ALDH5A1: variants seen among roughly 807,000 people sequenced by gnomAD.
ALDH5A1 encodes aldehyde dehydrogenase 5 family member A1, also known as succinate-semialdehyde dehydrogenase, mitochondrial.
Under a neutral mutation model 54.7 loss-of-function variants are expected in ALDH5A1, and 33 were observed. The ratio of observed to expected loss-of-function variants is 0.60; its 90% CI spans 0.46 to 0.81. The LOEUF (loss-of-function observed/expected upper bound fraction) is 0.81. ALDH5A1 is among the 30% of genes least tolerant of loss of function. The probability of loss-of-function intolerance (pLI) is 0.00; values close to 1 mark genes in which losing one functional copy is unlikely to be tolerated. For missense variants in ALDH5A1, 657 were observed against 711.0 expected, an observed-to-expected ratio of 0.92 and a Z score of 0.86; for synonymous variants, 294 against 292.7, an observed-to-expected ratio of 1.00 and a Z score of -0.05.
At chr6:24,528,310 A>G (rs1441423218) in intron 8 of ALDH5A1, 144 bp downstream of exon 8, 6 of 855,652 alleles carry the variant, frequency 7.0e-6, no homozygotes, top group African/African-American at 5.1e-5. Flanking sequence ...AGTGCAATTT[A>G]TGGGTTTTTA....
chr6:24,517,452 C>T (rs935641890), intron 5 of ALDH5A1, among the ~76,000 whole-genome samples: 1 of 152,182 alleles, frequency 6.6e-6, no homozygotes, highest in Non-Finnish European at 1.5e-5. Context: ...TGCCCCTGAT[C>T]AGTGGGTCTT....
At chr6:24,496,880 T>TG (rs1302893217) in intron 1 of ALDH5A1, among the ~76,000 whole-genome samples, 2 of 152,134 alleles carry the variant, frequency 1.3e-5, no homozygotes, top group African/African-American at 4.8e-5. Context: ...TCTGAGATAC[T>TG]GGGGGGTTAG....
At chr6:24,530,685 C>T (rs936061167) in intron 8 of ALDH5A1, among the ~76,000 whole-genome samples, 2 of 152,238 alleles carry the variant, frequency 1.3e-5, no homozygotes, top group African/African-American at 2.4e-5. Flanking sequence ...TTTTGCAGTT[C>T]CCTCTATTGG....
rs544597582 is a variant in ALDH5A1 at position 24,527,098 on chromosome 6, CCA to C, written c.1174-898_1174-897del. ...CTATCAAGAAGAAAAAGGGTGAGAA[CCA>C]TTTTTGGCTCAAACTTCCTCAGCAA... is the stretch of plus-strand genomic sequence containing the variant. On this transcript the variant is annotated intron_variant, in intron 7 of 9. Coordinates refer to ENST00000357578, the MANE Select transcript of ALDH5A1 (RefSeq NM_001080.3). Among the ~76,000 whole-genome samples, 102 of 149,316 alleles carry C rather than the reference CCA, an allele frequency of 6.8e-4. 2 individuals are homozygous for C. In the East Asian group the frequency reaches 0.018, roughly 27 times the overall value.
At chr6:24,517,274 G>T (rs963938457) in intron 5 of ALDH5A1, among the ~76,000 whole-genome samples, 18 of 152,112 alleles carry the variant, frequency 1.2e-4, no homozygotes, top group African/African-American at 3.9e-4. Flanking sequence ...CCAAAGTGCT[G>T]GGATTATAGG....
chr6:24,498,312 C>T (rs927995350), intron 1 of ALDH5A1, among the ~76,000 whole-genome samples: 4 of 152,148 alleles, frequency 2.6e-5, no homozygotes, highest in South Asian at 4.1e-4. Context: ...AAATTCATAC[C>T]TGTGTGTACT....
At position 24,502,036 on chromosome 6, in the gene ALDH5A1, T is replaced by C. The variant is rs74638007; in HGVS notation, c.355-487T>C. 4.2e-3 allele frequency among the ~76,000 whole-genome samples: 645 copies of C among 152,074 alleles called. 6 individuals are homozygous for C. The highest frequency in any genetic ancestry group is 0.015 in the African/African-American group (604 of 41,468). On this transcript the variant is annotated intron_variant, in intron 1 of 9. Transcript: ENST00000357578. The stretch of plus-strand genomic sequence containing the variant: ...AAGGACTGGCTCATGTGACTGTGGA[T>C]GCTAAGAAGTCCCACCCTCTGCTGT...
At chr6:24,529,614 A>G (rs1353327005) in intron 8 of ALDH5A1, among the ~76,000 whole-genome samples, 3 of 144,924 alleles carry the variant, frequency 2.1e-5, no homozygotes, top group Non-Finnish European at 4.5e-5. Flanking sequence ...GCACACAGTG[A>G]GGTTTTTCAG....
intron 1 of ALDH5A1, among the ~76,000 whole-genome samples, chr6:24,498,734 C>T (rs189549179): frequency 1.3e-5 from 2 of 152,268 alleles, no homozygotes; most frequent in Admixed American, 1.3e-4. Flanking sequence ...GAGGCCAAGG[C>T]GAGTGGATCA....
chr6:24,512,981 C>T (rs116233880), intron 4 of ALDH5A1, among the ~76,000 whole-genome samples: 2,395 of 152,098 alleles, frequency 0.016, 34 homozygotes, highest in South Asian at 0.041. Context: ...TGAGCCACCG[C>T]ACCTGGCCCA....
intron 7 of ALDH5A1, among the ~76,000 whole-genome samples, chr6:24,524,488 A>G (rs912919510): frequency 2.0e-5 from 3 of 151,938 alleles, no homozygotes; most frequent in African/African-American, 7.3e-5. Flanking sequence ...CTGTTCCTCA[A>G]CCTCCTCAGA....
chr6:24,526,269 G>C (rs978742761), intron 7 of ALDH5A1, among the ~76,000 whole-genome samples: 2 of 152,064 alleles, frequency 1.3e-5, no homozygotes, highest in African/African-American at 4.8e-5. Context: ...ATCATGATGG[G>C]AAAACCACCA....
intron 5 of ALDH5A1, among the ~76,000 whole-genome samples, chr6:24,519,912 T>C (rs940219463): frequency 6.6e-6 from 1 of 152,124 alleles, no homozygotes; most frequent in African/African-American, 2.4e-5. Flanking sequence ...TATAATTGTT[T>C]TGAATAGATA....
chr6:24,501,939 G>GTA (rs1234028952), intron 1 of ALDH5A1, among the ~76,000 whole-genome samples: 14 of 125,680 alleles, frequency 1.1e-4, no homozygotes, highest in African/African-American at 2.9e-4. Flanking sequence ...GTGTGTGTGT[G>GTA]TATATATATA....
intron 1 of ALDH5A1, 84 bp downstream of exon 1, chr6:24,495,434 G>A (rs1015142311): frequency 1.2e-5 from 16 of 1,338,368 alleles, no homozygotes; most frequent in Non-Finnish European, 1.6e-5. Flanking sequence ...AGTGACACCA[G>A]CCGCGTCGCC....
intron 3 of ALDH5A1, among the ~76,000 whole-genome samples, chr6:24,504,335 A>G (rs187788855): frequency 1.4e-4 from 22 of 152,376 alleles, no homozygotes; most frequent in Admixed American, 1.4e-3. Context: ...TATTATAGGT[A>G]TATGTATAGG....
At chr6:24,507,390 A>C (rs1561871323) in intron 4 of ALDH5A1, among the ~76,000 whole-genome samples, 1 of 152,102 alleles carries the variant, frequency 6.6e-6, no homozygotes, top group Non-Finnish European at 1.5e-5. Context: ...TGCTCTTGAA[A>C]ATTCAGATGG....
At position 24,518,019 on chromosome 6, in the gene ALDH5A1, T is replaced by C. The variant is rs555269938; in HGVS notation, c.871-2382T>C. Among the ~76,000 whole-genome samples the C allele has an allele frequency of 9.2e-5, 14 of 152,202 alleles. No individual in the cohort carries two copies. Among genetic ancestry groups the C allele is most frequent in the African/African-American group, 1.2e-4 (5 of 41,444 alleles). On this transcript the variant is annotated intron_variant, in intron 5 of 9. Transcript: ENST00000357578. This position sits in a 1 kb window ranked among gnomAD's most constrained non-coding sequence, Gnocchi z 4.2. ...CAGAAAACTGAATCATGAGTGGTCA[T>C]TGACTTGAGCGAAACAGAAATTGTG... is the stretch of plus-strand genomic sequence containing the variant.
chr6:24,519,589 A>T (rs1759635617), intron 5 of ALDH5A1, among the ~76,000 whole-genome samples: 1 of 152,090 alleles, frequency 6.6e-6, no homozygotes, highest in African/African-American at 2.4e-5. Flanking sequence ...ATAAAGTTCT[A>T]GAAACATATG....
Sources: allele counts gnomAD v4.1 joint callset (sites outside exome capture counted in the v4.1 genomes callset), GRCh38; gene constraint gnomAD v4.1.1; non-coding constraint Gnocchi (gnomAD v3.1); transcripts MANE v1.5; gene names NCBI Gene and HGNC (gene_info 2026-07-23, HGNC 2026-07-21).